Variants in PSIP1 observed in about 807,000 individuals in gnomAD.
The protein encoded by PSIP1 is PC4 and SFRS1-interacting protein.
PSIP1 carries 19 observed loss-of-function variants against 74.7 expected under a neutral mutation model. The observed-to-expected ratio is 0.25, with a 90% CI of 0.18 to 0.37. The LOEUF (loss-of-function observed/expected upper bound fraction) is 0.37, where lower values mean the gene tolerates loss of function less well. PSIP1 is among the 10% of genes least tolerant of loss of function. PSIP1 has a pLI of 1.00. For missense variants in PSIP1, 601 were observed against 614.3 expected (o/e 0.98, Z 0.23); for synonymous variants, 222 against 195.3 (o/e 1.14, Z -1.14).
At chr9:15,487,792 T>C (rs1489455417) in intron 4 of PSIP1, among the ~76,000 whole-genome samples, 1 of 152,176 alleles carries the variant, frequency 6.6e-6, no homozygotes, top group Non-Finnish European at 1.5e-5. Context: ...ACACAGGACA[T>C]AAACCTTTGT....
At chr9:15,496,803 C>T (rs1173804820) in intron 3 of PSIP1, among the ~76,000 whole-genome samples, 1 of 152,072 alleles carries the variant, frequency 6.6e-6, no homozygotes, top group Non-Finnish European at 1.5e-5. Context: ...TTTAAATTCG[C>T]ACACTTTTTT....
At chr9:15,471,198 T>C (rs371751624) in intron 10 of PSIP1, 8 of 1,606,908 alleles carry the variant, frequency 5.0e-6, no homozygotes, top group African/African-American at 4.0e-5. Flanking sequence ...AAATGAGATA[T>C]ATTTTTTATT....
intron 10 of PSIP1, chr9:15,471,362 A>G (rs752452885): frequency 3.9e-6 from 6 of 1,558,102 alleles, no homozygotes; most frequent in South Asian, 1.1e-5. Flanking sequence ...GAAAACACAA[A>G]TATTAGAATT....
At chr9:15,494,152 C>A (rs1014073805) in intron 3 of PSIP1, among the ~76,000 whole-genome samples, 1 of 152,156 alleles carries the variant, frequency 6.6e-6, no homozygotes, top group Non-Finnish European at 1.5e-5. Flanking sequence ...AGATACATAT[C>A]ATAAATTCCT....
In PSIP1 at chr9:15,468,653, T is replaced by C. The variant is rs1356135373; in HGVS notation, c.1397A>G (p.Lys466Arg). 9 of 1,614,154 alleles carry C rather than the reference T, an allele frequency of 5.6e-6. No homozygotes were observed. Among genetic ancestry groups the C allele is most frequent in the Non-Finnish European group, 7.6e-6 (9 of 1,179,996 alleles). The change falls in exon 14 of 16, where the codon AAA becomes AGA. Residue 466 changes from lysine (K) to arginine (R), a missense_variant. Coordinates refer to ENST00000380733, the MANE Select transcript of PSIP1 (RefSeq NM_033222.5). Reference protein sequence around the residue: ...TKDQGKKGPNKKLEKEQTGSK... With the variant: ...TKDQGKKGPNRKLEKEQTGSK... ...ACCTGTTTGTTCCTTCTCTAGCTTT[T>C]TGTTTGGCCCTTTCTTCCCTTGATC... is the stretch of plus-strand genomic sequence containing the variant.
chr9:15,491,444 A>C (rs2036827695), intron 3 of PSIP1, among the ~76,000 whole-genome samples: 1 of 152,222 alleles, frequency 6.6e-6, no homozygotes, highest in African/African-American at 2.4e-5. Flanking sequence ...TTTGTGAATG[A>C]CCTGTACAAC....
intron 2 of PSIP1, among the ~76,000 whole-genome samples, chr9:15,507,970 C>T (rs1415200209): frequency 6.6e-6 from 1 of 152,188 alleles, no homozygotes. Context: ...TTGCAAAAAT[C>T]CTTAATCCCT....
At chr9:15,478,749 G>C (rs1035139857) in intron 7 of PSIP1, among the ~76,000 whole-genome samples, 197 bp from the exon 8 acceptor site, 1 of 151,956 alleles carries the variant, frequency 6.6e-6, no homozygotes, top group African/African-American at 2.4e-5. Flanking sequence ...TTTATAAAGA[G>C]GTAAACAGAG....
At chr9:15,497,735 C>T (rs1392309554) in intron 3 of PSIP1, among the ~76,000 whole-genome samples, 1 of 151,998 alleles carries the variant, frequency 6.6e-6, no homozygotes, top group East Asian at 1.9e-4. Flanking sequence ...CTAATGAATA[C>T]ATGGTTTCTT....
chr9:15,488,288 G>A (rs1360523557), intron 4 of PSIP1, among the ~76,000 whole-genome samples: 3 of 151,958 alleles, frequency 2.0e-5, no homozygotes, highest in African/African-American at 7.3e-5. Context: ...CCGAGATCAC[G>A]CCACTGCACT....
intron 8 of PSIP1, among the ~76,000 whole-genome samples, chr9:15,477,927 C>CA (rs2036161337): frequency 6.6e-6 from 1 of 151,478 alleles, no homozygotes; most frequent in Non-Finnish European, 1.5e-5. Context: ...CGTTTGAGCC[C>CA]AGGAGTTTGA....
intron 3 of PSIP1, among the ~76,000 whole-genome samples, chr9:15,495,083 C>T (rs545151326): frequency 6.6e-6 from 1 of 152,122 alleles, no homozygotes; most frequent in South Asian, 2.1e-4. Context: ...GCTAAAAAGA[C>T]AACTAAAGAA....
chr9:15,468,126 A>T (rs1019356820), intron 14 of PSIP1, among the ~76,000 whole-genome samples: 16 of 122,156 alleles, frequency 1.3e-4, no homozygotes, highest in Non-Finnish European at 1.9e-4. Flanking sequence ...CATCTTTTAA[A>T]AAAAAAAAAA....
chr9:15,465,750 T>A, intron 15 of PSIP1, 170 bp from the exon 16 acceptor site: 1 of 540,138 alleles, frequency 1.9e-6, no homozygotes, highest in Non-Finnish European at 3.2e-6. Flanking sequence ...TTTTTCTTCT[T>A]CAAAACTGTT....
intron 3 of PSIP1, 100 bp from the exon 4 acceptor site, chr9:15,490,224 T>A: frequency 9.3e-7 from 1 of 1,079,448 alleles, no homozygotes. Context: ...ATACAGAACC[T>A]AAACTGCATT....
chr9:15,487,466 G>T (rs776221247), intron 4 of PSIP1, among the ~76,000 whole-genome samples: 3 of 151,564 alleles, frequency 2.0e-5, no homozygotes, highest in African/African-American at 2.4e-5. Flanking sequence ...ATGGTGGCAC[G>T]CGCCTGTAAT....
chr9:15,505,405 C>T (rs2037540150), intron 3 of PSIP1: 1 of 152,172 alleles, frequency 6.6e-6, no homozygotes, highest in Non-Finnish European at 1.5e-5. Context: ...CCCATGGAAT[C>T]AGAAACTTAT....
intron 3 of PSIP1, chr9:15,506,354 T>C (rs547745086): frequency 7.4e-6 from 3 of 405,276 alleles, no homozygotes; most frequent in South Asian, 1.3e-4. Flanking sequence ...CTTTCCTTTT[T>C]GGTTAAGGAA....
intron 8 of PSIP1, among the ~76,000 whole-genome samples, chr9:15,477,638 C>A (rs1337724344): frequency 3.3e-5 from 5 of 151,832 alleles, no homozygotes; most frequent in Non-Finnish European, 5.9e-5. Flanking sequence ...CTCTCTATTC[C>A]TTCTGGCAAA....
Sources: gnomAD v4.1 joint callset for allele counts (sites outside exome capture counted in the v4.1 genomes callset) on GRCh38, gnomAD v4.1.1 for gene constraint, MANE v1.5 for transcripts, NCBI Gene and HGNC (gene_info 2026-07-23, HGNC 2026-07-21) for gene names.